Variants in ATXN7L1 observed in about 807,000 individuals in gnomAD.
ATXN7L1 encodes ataxin 7 like 1, also known as ataxin-7-like protein 1.
ATXN7L1 carries 15 observed loss-of-function variants against 70.8 expected under a neutral mutation model. The ratio of observed to expected loss-of-function variants is 0.21; its 90% CI spans 0.14 to 0.33. The LOEUF is 0.33. Among genes scored for constraint, ATXN7L1 ranks in the 10% least tolerant of loss-of-function variants. The pLI, the probability that ATXN7L1 is intolerant of heterozygous loss-of-function variation, is 1.00. For missense variants in ATXN7L1, 975 were observed against 1,097.1 expected, an observed-to-expected ratio of 0.89 and a Z score of 1.57; for synonymous variants, 440 against 445.1, an observed-to-expected ratio of 0.99 and a Z score of 0.14.
chr7:105,655,960 ATCT>A (rs1800571176), intron 4 of ATXN7L1, among the ~76,000 whole-genome samples: 1 of 152,258 alleles, frequency 6.6e-6, no homozygotes. Context: ...CAGCGGGCTC[ATCT>A]TCTGCATTTT....
intron 3 of ATXN7L1, among the ~76,000 whole-genome samples, chr7:105,686,157 C>T (rs1806162829): frequency 6.6e-6 from 1 of 152,094 alleles, no homozygotes. Flanking sequence ...CACAGATGCT[C>T]TCTGACTTAC....
chr7:105,736,367 T>C (rs1420672895), intron 3 of ATXN7L1, among the ~76,000 whole-genome samples: 6 of 152,200 alleles, frequency 3.9e-5, no homozygotes, highest in Admixed American at 3.3e-4. Flanking sequence ...TAAAATCCCA[T>C]TGGATTCTAG....
chr7:105,791,765 C>T (rs1409372879), intron 2 of ATXN7L1, among the ~76,000 whole-genome samples: 3 of 152,144 alleles, frequency 2.0e-5, no homozygotes, highest in African/African-American at 7.2e-5. Context: ...ATGAGGGCTA[C>T]AACTTATTTA....
chr7:105,662,179 T>G (rs1362198208), intron 4 of ATXN7L1, among the ~76,000 whole-genome samples: 5 of 151,258 alleles, frequency 3.3e-5, no homozygotes, highest in Non-Finnish European at 7.4e-5. Flanking sequence ...CTTGGCTCAC[T>G]GCAACCTCCA....
At chr7:105,812,711 A>G (rs558180078) in intron 2 of ATXN7L1, among the ~76,000 whole-genome samples, 1 of 152,336 alleles carries the variant, frequency 6.6e-6, no homozygotes, top group East Asian at 1.9e-4. Context: ...AGTGATAAAC[A>G]AAGATCTAGC....
intron 4 of ATXN7L1, among the ~76,000 whole-genome samples, chr7:105,652,262 T>C (rs1409249277): frequency 6.6e-6 from 1 of 152,186 alleles, no homozygotes; most frequent in African/African-American, 2.4e-5. Context: ...ACCCTAGACC[T>C]AATCAACTGC....
intron 3 of ATXN7L1, among the ~76,000 whole-genome samples, chr7:105,674,043 A>G (rs1017842199): frequency 6.6e-6 from 1 of 152,168 alleles, no homozygotes; most frequent in African/African-American, 2.4e-5. Context: ...TGGAGTGCCC[A>G]TTCCCTTCTC....
intron 2 of ATXN7L1, among the ~76,000 whole-genome samples, chr7:105,849,441 A>G (rs903475965): frequency 7.2e-5 from 11 of 152,170 alleles, no homozygotes; most frequent in African/African-American, 2.7e-4. Flanking sequence ...CCACCCAAAC[A>G]CCAAAACACC....
chr7:105,643,607 A>G (rs1442927206), intron 4 of ATXN7L1, among the ~76,000 whole-genome samples: 1 of 152,194 alleles, frequency 6.6e-6, no homozygotes, highest in East Asian at 1.9e-4. Flanking sequence ...TGCTGACAGG[A>G]TCACACCACA....
At chr7:105,793,007 G>A (rs1269473541) in intron 2 of ATXN7L1, among the ~76,000 whole-genome samples, 13 of 152,222 alleles carry the variant, frequency 8.5e-5, no homozygotes. Context: ...CTATAGTAAA[G>A]TAATTTGCTT....
At chr7:105,813,668 A>G (rs963143919) in intron 2 of ATXN7L1, among the ~76,000 whole-genome samples, 4 of 151,578 alleles carry the variant, frequency 2.6e-5, no homozygotes, top group African/African-American at 9.7e-5. Flanking sequence ...TGCACACTAG[A>G]CTCTTCCTTT....
chr7:105,804,230 A>G (rs1029003081), intron 2 of ATXN7L1, among the ~76,000 whole-genome samples: 1 of 152,208 alleles, frequency 6.6e-6, no homozygotes, highest in African/African-American at 2.4e-5. Flanking sequence ...GCTGAGACCA[A>G]ATCAAACCAG....
At chr7:105,682,531 C>T (rs191111947) in intron 3 of ATXN7L1, among the ~76,000 whole-genome samples, 25 of 152,274 alleles carry the variant, frequency 1.6e-4, no homozygotes, top group Non-Finnish European at 3.2e-4. Flanking sequence ...ACAACCCAAA[C>T]GCCCATCCAT....
At chr7:105,670,832 C>T (rs1803443968) in intron 3 of ATXN7L1, among the ~76,000 whole-genome samples, 1 of 151,888 alleles carries the variant, frequency 6.6e-6, no homozygotes, top group South Asian at 2.1e-4. Context: ...TGTAGCCGGG[C>T]GCGGTGGCTC....
chr7:105,753,322 C>T (rs1407437207), intron 3 of ATXN7L1, among the ~76,000 whole-genome samples: 6 of 152,184 alleles, frequency 3.9e-5, no homozygotes, highest in Non-Finnish European at 8.8e-5. Flanking sequence ...TCAGCCCTAC[C>T]TCCTGCACAG....
Position 105,876,527 on chromosome 7 carries a change from A to G in ATXN7L1, c.32T>C (p.Leu11Pro). Residue 11 changes from leucine to proline, a missense_variant, in exon 1 of 12, where the codon CTC becomes CCC. Physicochemically the swap from Leu to Pro is moderately conservative, Grantham distance 98. This residue lies in a region of ATXN7L1 where 135 missense variants were observed against 132.6 expected (regional missense o/e 1.02). Transcript: ENST00000419735. Reference sequence around the variant, plus strand: ...TGTTCCTTCGGCAGCAGCAGCCGAGAGACACGGGATTCGAGAACGCTCCGA... The same window carrying G: ...TGTTCCTTCGGCAGCAGCAGCCGAGGGACACGGGATTCGAGAACGCTCCGA... The part of the protein sequence containing the change: MTSERSRIPC[L>P]SAAAAEGTGK... 6.3e-7 allele frequency: 1 copy of G among 1,588,818 alleles called. No homozygotes were observed. Among genetic ancestry groups the G allele is most frequent in the Non-Finnish European group, 8.6e-7 (1 of 1,164,090 alleles).
intron 3 of ATXN7L1, among the ~76,000 whole-genome samples, chr7:105,722,716 T>C (rs1370819622): frequency 1.4e-5 from 2 of 144,472 alleles, no homozygotes; most frequent in African/African-American, 5.1e-5. Flanking sequence ...CCATCTCTAC[T>C]AAAAAAAAAT....
chr7:105,850,906 C>T lies in ATXN7L1; in HGVS notation c.250+24906G>A, dbSNP rs1814782856. Among the ~76,000 whole-genome samples, 2 of 152,124 alleles carry T rather than the reference C, an allele frequency of 1.3e-5. 1 individual carries two copies. The highest frequency in any genetic ancestry group is 4.1e-4 in the South Asian group (2 of 4,834). On this transcript the variant is annotated intron_variant, in intron 2 of 11. Coordinates refer to ENST00000419735, the MANE Select transcript of ATXN7L1 (RefSeq NM_020725.2). ...GTCAATATCAAAAGGGGCAGAAAGC[C>T]ATCTCTGCCCCCAGGATATGTCACT...
intron 3 of ATXN7L1, among the ~76,000 whole-genome samples, chr7:105,693,823 T>C (rs1279014013): frequency 6.6e-6 from 1 of 152,118 alleles, no homozygotes; most frequent in African/African-American, 2.4e-5. Context: ...TTACCAACTA[T>C]ATATAGAAAT....
Sources: allele counts gnomAD v4.1 joint callset (sites outside exome capture counted in the v4.1 genomes callset), GRCh38; gene constraint gnomAD v4.1.1; regional missense constraint gnomAD v4.1.1; transcripts MANE v1.5; gene names NCBI Gene and HGNC (gene_info 2026-07-23, HGNC 2026-07-21).